PAPSS1: variants seen among roughly 807,000 people sequenced by gnomAD.
PAPSS1 encodes bifunctional 3'-phosphoadenosine 5'-phosphosulfate synthase 1.
PAPSS1 carries 50 observed loss-of-function variants against 72.0 expected under a neutral mutation model. The ratio of observed to expected loss-of-function variants is 0.69; its 90% confidence interval spans 0.55 to 0.88. The LOEUF is 0.88. Among genes scored for constraint, PAPSS1 ranks in the 40% least tolerant of loss-of-function variants. The pLI, the probability that PAPSS1 is intolerant of heterozygous loss-of-function variation, is 0.00. For synonymous variants in PAPSS1, 261 were observed against 263.6 expected (o/e 0.99, Z 0.09); for missense variants, 657 against 782.2 (o/e 0.84, Z 1.91).
In PAPSS1 at chr4:107,687,210, CA is replaced by C. The variant is rs746097507; in HGVS notation, c.412-34del. 2.1e-5 allele frequency: 32 copies of C among 1,507,044 alleles called. 1 individual carries two copies. The South Asian group carries it at 4.0e-4, about 19-fold the overall frequency. The allele number at this position is 1,507,044 out of a possible 1,614,324, so 93.4% of individuals were successfully genotyped here. A position where few individuals can be genotyped will look rare whatever the true frequency, so the allele number is the denominator to read the frequency against. On this transcript the variant is annotated intron_variant, in intron 3 of 11. Coordinates refer to ENST00000265174, the MANE Select transcript of PAPSS1 (RefSeq NM_005443.5). ...AAAAATAAAATAAAAAGTGATCACA[CA>C]AATCACAAACGTACTATATTAATAT...
intron 1 of PAPSS1, among the ~76,000 whole-genome samples, chr4:107,708,439 T>C (rs1723396939): frequency 6.6e-6 from 1 of 152,206 alleles, no homozygotes; most frequent in African/African-American, 2.4e-5. Context: ...GTAGAACCTG[T>C]TTGGCTTGGT....
At chr4:107,615,078 A>G (rs577171133) in intron 11 of PAPSS1, among the ~76,000 whole-genome samples, 1 of 108,784 alleles carries the variant, frequency 9.2e-6, no homozygotes, top group South Asian at 2.7e-4. Flanking sequence ...TATTAAGAGT[A>G]AAATTGAATT....
rs1030653347 is a variant in PAPSS1, at chr4:107,697,077, G to A, written c.176-3071C>T. 3.3e-5 allele frequency among the ~76,000 whole-genome samples: 5 copies of A among 151,718 alleles called. No individual in the cohort carries two copies. In the South Asian group the frequency reaches 6.2e-4, roughly 19 times the overall value. ...GTCACTTAATTTGGGAGAAGCCAGT[G>A]ACTAAATCCCTTGAGACCACCATGC... On this transcript the variant is annotated intron_variant, in intron 2 of 11. Transcript: ENST00000265174.
intron 11 of PAPSS1, among the ~76,000 whole-genome samples, chr4:107,626,468 GA>G (rs1726100857): frequency 6.6e-6 from 1 of 152,164 alleles, no homozygotes; most frequent in Non-Finnish European, 1.5e-5. Flanking sequence ...TGCAATTTCT[GA>G]AAGAATGGAC....
chr4:107,713,665 G>A (rs1280380405), intron 1 of PAPSS1, among the ~76,000 whole-genome samples: 1 of 151,874 alleles, frequency 6.6e-6, no homozygotes, highest in Non-Finnish European at 1.5e-5. Context: ...GGCTGAGGCA[G>A]GAGAATCACT....
At chr4:107,621,297 C>T (rs1274661221) in intron 11 of PAPSS1, among the ~76,000 whole-genome samples, 7 of 152,064 alleles carry the variant, frequency 4.6e-5, no homozygotes, top group African/African-American at 2.4e-5. Context: ...TAGCATGGAA[C>T]GATGCTCATG....
chr4:107,678,942 G>A (rs1727732057), intron 5 of PAPSS1, among the ~76,000 whole-genome samples: 2 of 152,138 alleles, frequency 1.3e-5, no homozygotes, highest in Admixed American at 1.3e-4. Flanking sequence ...CAAAGGAGGA[G>A]ATGAAGGAAA....
intron 11 of PAPSS1, among the ~76,000 whole-genome samples, chr4:107,620,228 T>C (rs1560562208): frequency 1.3e-5 from 2 of 152,216 alleles, no homozygotes; most frequent in Non-Finnish European, 2.9e-5. Context: ...CGAAAAATAA[T>C]AGTGGTAACT....
chr4:107,614,088 C>A lies in PAPSS1; in HGVS notation c.*161G>T. ...ATCAGTGTGTTACACTTGTTCAAAA[C>A]AGAACTCATAAGGCAGACCAAAACT... On this transcript the variant is annotated 3_prime_UTR_variant, in exon 12 of 12. Coordinates refer to ENST00000265174, the MANE Select transcript of PAPSS1 (RefSeq NM_005443.5). 3.7e-6 allele frequency: 2 copies of A among 540,700 alleles called. No homozygotes were observed. The allele number at this position is 540,700 out of a possible 1,614,324, so 33.5% of individuals were successfully genotyped here. A position where few individuals can be genotyped will look rare whatever the true frequency, so the allele number is the denominator to read the frequency against.
chr4:107,710,757 C>T (rs115279264), intron 1 of PAPSS1, among the ~76,000 whole-genome samples: 2,264 of 152,306 alleles, frequency 0.015, 51 homozygotes, highest in African/African-American at 0.052. Flanking sequence ...GTGAGCAAGA[C>T]GAGCTGTGTC....
chr4:107,654,243 A>G (rs1354629392), intron 8 of PAPSS1, among the ~76,000 whole-genome samples: 2 of 152,158 alleles, frequency 1.3e-5, no homozygotes, highest in Non-Finnish European at 2.9e-5. Context: ...GACTTCAATA[A>G]CATTCCACAT....
At chr4:107,658,070 T>C (rs975198392) in intron 6 of PAPSS1, among the ~76,000 whole-genome samples, 2 of 151,942 alleles carry the variant, frequency 1.3e-5, no homozygotes, top group South Asian at 4.2e-4. Context: ...CTTTCCAAGA[T>C]TAACAAAATC....
chr4:107,679,124 C>T (rs555240801), intron 5 of PAPSS1, among the ~76,000 whole-genome samples: 4 of 152,086 alleles, frequency 2.6e-5, no homozygotes, highest in Non-Finnish European at 5.9e-5. Flanking sequence ...AAAAACCCAC[C>T]TCAAGACTCA....
chr4:107,614,486 A>G (rs1578374247), intron 11 of PAPSS1, 99 bp from the exon 12 acceptor site: 1 of 462,494 alleles, frequency 2.2e-6, no homozygotes, highest in Non-Finnish European at 3.4e-6. Flanking sequence ...AAACTTAATG[A>G]AAAAAAAATA....
At chr4:107,640,042 C>A (rs1057023475) in intron 10 of PAPSS1, among the ~76,000 whole-genome samples, 1 of 152,078 alleles carries the variant, frequency 6.6e-6, no homozygotes, top group African/African-American at 2.4e-5. Context: ...CTTCATAAAC[C>A]GAGGGTATAG....
intron 9 of PAPSS1, among the ~76,000 whole-genome samples, chr4:107,648,183 TC>T (rs2110314138): frequency 6.6e-6 from 1 of 152,316 alleles, no homozygotes; most frequent in Admixed American, 6.5e-5. Flanking sequence ...CTGATCCCTT[TC>T]CTTCCAGCAG....
chr4:107,651,244 G>C (rs764030987), intron 9 of PAPSS1, among the ~76,000 whole-genome samples: 9 of 152,172 alleles, frequency 5.9e-5, no homozygotes, highest in Non-Finnish European at 1.0e-4. Flanking sequence ...AAGCAGACTA[G>C]GTAGGAACTA....
chr4:107,694,180 C>T, intron 2 of PAPSS1, 174 bp from the exon 3 acceptor site: 1 of 571,534 alleles, frequency 1.7e-6, no homozygotes, highest in Non-Finnish European at 3.1e-6. Context: ...CATGCCTCAG[C>T]CTTCCAAATA....
intron 3 of PAPSS1, among the ~76,000 whole-genome samples, chr4:107,687,721 C>T (rs1277473498): frequency 6.6e-6 from 1 of 152,192 alleles, no homozygotes; most frequent in Non-Finnish European, 1.5e-5. Flanking sequence ...CCTCTCCACT[C>T]TGTCCTTTGG....
Sources: gnomAD v4.1 joint callset for allele counts (sites outside exome capture counted in the v4.1 genomes callset) on GRCh38, gnomAD v4.1.1 for gene constraint, MANE v1.5 for transcripts, NCBI Gene and HGNC (gene_info 2026-07-23, HGNC 2026-07-21) for gene names.